TRAK2: variants seen among roughly 807,000 people sequenced by gnomAD.
TRAK2 encodes trafficking kinesin-binding protein 2.
Under a neutral mutation model 104.6 loss-of-function variants are expected in TRAK2, and 81 were observed. The observed-to-expected ratio is 0.77, with a 90% confidence interval of 0.65 to 0.93. TRAK2 has a LOEUF of 0.93. Among genes scored for constraint, TRAK2 ranks in the 40% least tolerant of loss-of-function variants. The pLI is 0.00. For missense variants in TRAK2, 1,002 were observed against 1,089.0 expected, an observed-to-expected ratio of 0.92 and a Z score of 1.12; for synonymous variants, 406 against 394.4, an observed-to-expected ratio of 1.03 and a Z score of -0.35.
chr2:201,430,939 A>G (rs1326945971), intron 1 of TRAK2, among the ~76,000 whole-genome samples: 2 of 152,094 alleles, frequency 1.3e-5, no homozygotes, highest in African/African-American at 4.8e-5. Context: ...TGCTGTTCCT[A>G]TTTGGCCATC....
rs758610179 is a variant in TRAK2, at chr2:201,389,518, A to G, written c.1194-15T>C. 1.2e-6 allele frequency: 2 copies of G among 1,612,362 alleles called. No individual in the cohort carries two copies. The highest frequency in any genetic ancestry group is 4.5e-5 in the East Asian group (2 of 44,856). On this transcript the variant is annotated splice_polypyrimidine_tract_variant and intron_variant, in intron 11 of 15. Coordinates refer to ENST00000332624, the MANE Select transcript of TRAK2 (RefSeq NM_015049.3). ...TCTGTTGGGCTCTGTCAAAAAAGGAAGTGTTCGTTATTATCACTGCTAGCC... is the reference window on the plus strand; with the variant it reads ...TCTGTTGGGCTCTGTCAAAAAAGGAGGTGTTCGTTATTATCACTGCTAGCC...
chr2:201,400,001 G>T (rs552833514), intron 4 of TRAK2, among the ~76,000 whole-genome samples: 3 of 152,142 alleles, frequency 2.0e-5, no homozygotes, highest in East Asian at 3.9e-4. Context: ...AGCTTAGAGG[G>T]AAGTGCAGCC....
intron 9 of TRAK2, 112 bp downstream of exon 9, chr2:201,394,686 G>T: frequency 1.1e-6 from 1 of 919,144 alleles, no homozygotes. Context: ...TTAACCTTTT[G>T]TTGTTGTTTT....
intron 1 of TRAK2, among the ~76,000 whole-genome samples, chr2:201,429,482 G>A (rs550026568): frequency 4.6e-5 from 7 of 152,248 alleles, no homozygotes; most frequent in South Asian, 2.1e-4. Context: ...CATTCTCCCC[G>A]TCACTTTCAG....
At chr2:201,432,912 G>A (rs1209836150) in intron 1 of TRAK2, among the ~76,000 whole-genome samples, 4 of 152,224 alleles carry the variant, frequency 2.6e-5, no homozygotes, top group Non-Finnish European at 5.9e-5. Flanking sequence ...GTGGGCTGCT[G>A]AAATGCATGC....
chr2:201,380,361 T>A lies in TRAK2; in HGVS notation c.*182A>T. The A allele has an allele frequency of 1.5e-6, 1 of 650,134 alleles. No individual in the cohort carries two copies. Among genetic ancestry groups the A allele is most frequent in the Non-Finnish European group, 2.6e-6 (1 of 380,188 alleles). 40.3% of individuals were successfully genotyped at this position (650,134 alleles called of 1,614,324 possible). ...ATGGCCCATTCATTTATACTTTCAA[T>A]TTGCCCGACTTCCTCCATTAGGGCT... On this transcript the variant is annotated 3_prime_UTR_variant, in exon 16 of 16. Transcript: ENST00000332624.
chr2:201,393,196 T>A, intron 9 of TRAK2, 150 bp from the exon 10 acceptor site: 1 of 804,078 alleles, frequency 1.2e-6, no homozygotes, highest in Non-Finnish European at 1.8e-6. Context: ...TAAAACAAAC[T>A]AAGCAAGAAG....
chr2:201,397,701 A>C, intron 6 of TRAK2, 121 bp from the exon 7 acceptor site: 1 of 716,650 alleles, frequency 1.4e-6, no homozygotes, highest in Non-Finnish European at 2.3e-6. Flanking sequence ...AAAACCCAAC[A>C]ACCTGTTCAT....
At chr2:201,430,197 C>A (rs914931368) in intron 1 of TRAK2, among the ~76,000 whole-genome samples, 14 of 152,308 alleles carry the variant, frequency 9.2e-5, no homozygotes, top group Non-Finnish European at 1.9e-4. Context: ...GAAGCTTTGT[C>A]TCAGAGGGGT....
At chr2:201,443,487 T>C (rs1951941443) in intron 1 of TRAK2, among the ~76,000 whole-genome samples, 1 of 152,200 alleles carries the variant, frequency 6.6e-6, no homozygotes, top group South Asian at 2.1e-4. Context: ...ACGTTTTGTA[T>C]TGTTCTTGTT....
intron 11 of TRAK2, 90 bp downstream of exon 11, chr2:201,389,711 G>T (rs1559438563): frequency 8.1e-7 from 1 of 1,232,370 alleles, no homozygotes; most frequent in Non-Finnish European, 1.2e-6. Context: ...AATTACTACT[G>T]AATCTCGTAA....
chr2:201,416,992 A>G lies in TRAK2; in HGVS notation c.91+3425T>C, dbSNP rs1041763855. On this transcript the variant is annotated intron_variant, in intron 2 of 15. Coordinates refer to ENST00000332624, the MANE Select transcript of TRAK2 (RefSeq NM_015049.3). Reference sequence around the variant, plus strand: ...GGTCCAAATACTGCAAATAGAAAGTACAGATGATCAGACTGGATTTTCTTT... The same window carrying G: ...GGTCCAAATACTGCAAATAGAAAGTGCAGATGATCAGACTGGATTTTCTTT... 2.7e-5 allele frequency among the ~76,000 whole-genome samples: 4 copies of G among 146,082 alleles called. No individual in the cohort carries two copies. In the Admixed American group the frequency reaches 2.8e-4, roughly 10 times the overall value.
At chr2:201,390,076 A>T (rs1951431812) in intron 10 of TRAK2, among the ~76,000 whole-genome samples, 196 bp from the exon 11 acceptor site, 1 of 152,244 alleles carries the variant, frequency 6.6e-6, no homozygotes, top group Non-Finnish European at 1.5e-5. Flanking sequence ...TCAAATAGGA[A>T]AGTAGTGGAA....
chr2:201,397,462 T>C, intron 7 of TRAK2, 40 bp downstream of exon 7: 1 of 1,471,060 alleles, frequency 6.8e-7, no homozygotes, highest in Non-Finnish European at 9.4e-7. Context: ...TACCAAAGAA[T>C]TGTCCAAAAA....
In TRAK2 at chr2:201,387,801, G is replaced by A; in HGVS notation, c.1598C>T (p.Ser533Phe). The change falls in exon 13 of 16, where the codon TCT becomes TTT. Residue 533 changes from serine (S) to phenylalanine (F), a missense_variant. Coordinates refer to ENST00000332624, the MANE Select transcript of TRAK2 (RefSeq NM_015049.3). ...GATCTCTGACTGGGTGGTGCAGAGA[G>A]AGGCAAGGCTCTCTGTCGGGGTGAC... ...GCVTPTESLA[S>F]LCTTQSEITD... 6.2e-7 allele frequency: 1 copy of A among 1,614,168 alleles called. No homozygotes were observed. Among genetic ancestry groups the A allele is most frequent in the Non-Finnish European group, 8.5e-7 (1 of 1,180,012 alleles).
chr2:201,428,087 G>A lies in TRAK2; in HGVS notation c.-199-7381C>T, dbSNP rs145880947. The stretch of plus-strand genomic sequence containing the variant: ...ATATTAGCCCTTTGTCAGATGCGTA[G>A]ATTGCAAAAACGCTCTCCCATTTTG... On this transcript the variant is annotated intron_variant, in intron 1 of 15. Transcript: ENST00000332624. Among the ~76,000 whole-genome samples, 712 of 151,982 alleles carry A rather than the reference G, an allele frequency of 4.7e-3. 6 individuals carry two copies. Among genetic ancestry groups the A allele is most frequent in the Non-Finnish European group, 7.6e-3 (520 of 68,026 alleles).
chr2:201,397,437 G>C, intron 7 of TRAK2, 65 bp downstream of exon 7: 1 of 1,102,932 alleles, frequency 9.1e-7, no homozygotes, highest in Admixed American at 2.1e-5. Flanking sequence ...TCTAACTTCC[G>C]AGGTGGAGAT....
intron 1 of TRAK2, among the ~76,000 whole-genome samples, chr2:201,423,037 C>CCACACACACACACACACACACACA (rs142826543): frequency 1.5e-5 from 2 of 134,150 alleles, no homozygotes; most frequent in Admixed American, 7.3e-5. Flanking sequence ...AACACCACCA[C>CCACACACACACACACACACACACA]CACACACACA....
chr2:201,447,249 C>T lies in TRAK2; in HGVS notation c.-200+4101G>A, dbSNP rs1216461832. 6.6e-6 allele frequency among the ~76,000 whole-genome samples: 1 copy of T among 152,238 alleles called. No individual in the cohort carries two copies. Among genetic ancestry groups the T allele is most frequent in the Non-Finnish European group, 1.5e-5 (1 of 68,036 alleles). ...AAAATCTTCCTAATCCAGCCCCAGC[C>T]TAGTCTCCAGTTTCATTTCTCTCAA... On this transcript the variant is annotated intron_variant, in intron 1 of 15. Coordinates refer to ENST00000332624, the MANE Select transcript of TRAK2 (RefSeq NM_015049.3). This position sits in a 1 kb window ranked among gnomAD's most constrained non-coding sequence, Gnocchi z 4.1.
Sources: gnomAD v4.1 joint callset for allele counts (sites outside exome capture counted in the v4.1 genomes callset) on GRCh38, gnomAD v4.1.1 for gene constraint, Gnocchi (gnomAD v3.1) non-coding constraint, MANE v1.5 for transcripts, NCBI Gene and HGNC (gene_info 2026-07-23, HGNC 2026-07-21) for gene names.